The following GNS variants were observed in gnomAD, a reference collection of about 807,000 sequenced individuals.
The protein encoded by GNS is N-acetylglucosamine-6-sulfatase.
In GNS, 40 loss-of-function variants were observed where a neutral mutation model predicts 69.7. The ratio of observed to expected loss-of-function variants is 0.57; its 90% CI spans 0.45 to 0.75. GNS has a LOEUF of 0.75. GNS is among the 30% of genes least tolerant of loss of function. GNS has a pLI of 0.00. For missense variants in GNS, 565 were observed against 685.5 expected, an observed-to-expected ratio of 0.82 and a Z score of 1.96; for synonymous variants, 243 against 251.6, an observed-to-expected ratio of 0.97 and a Z score of 0.32.
intron 2 of GNS, among the ~76,000 whole-genome samples, chr12:64,750,495 A>T (rs1272548): frequency 0.46 from 69,776 of 151,776 alleles, 16,938 homozygotes; most frequent in African/African-American, 0.6. Flanking sequence ...GTAATTTTTT[A>T]AAAAAATTAC....
chr12:64,748,511 AAAT>A (rs1481005741), intron 2 of GNS, among the ~76,000 whole-genome samples: 3 of 151,986 alleles, frequency 2.0e-5, no homozygotes, highest in Admixed American at 2.0e-4. Context: ...ACCCAGCCAG[AAAT>A]AATATTTATA....
intron 9 of GNS, among the ~76,000 whole-genome samples, chr12:64,732,483 T>A (rs1443419962): frequency 7.3e-6 from 1 of 137,736 alleles, no homozygotes; most frequent in Non-Finnish European, 1.6e-5. Flanking sequence ...TTTTTTGAGA[T>A]GGAGTCTCAC....
intron 8 of GNS, among the ~76,000 whole-genome samples, chr12:64,737,997 G>A (rs1171279264): frequency 1.3e-5 from 2 of 151,994 alleles, no homozygotes; most frequent in Non-Finnish European, 2.9e-5. Flanking sequence ...GGTAGTATGT[G>A]GACTTTGCCT....
At chr12:64,723,641 C>T (rs902615089) in intron 10 of GNS, among the ~76,000 whole-genome samples, 1 of 152,186 alleles carries the variant, frequency 6.6e-6, no homozygotes, top group Non-Finnish European at 1.5e-5. Context: ...AATGTACATT[C>T]ATGGTGTGGA....
In GNS at chr12:64,715,292, G is replaced by GT. The variant is rs1868825757; in HGVS notation, c.*1448dup. On this transcript the variant is annotated 3_prime_UTR_variant, in exon 14 of 14. Coordinates refer to ENST00000258145, the MANE Select transcript of GNS (RefSeq NM_002076.4). Reference sequence around the variant, plus strand: ...CCAGCACTCTGGGAGGCCGAGGTGGGTGGATCACAAGGTCAGGAGTTCAAG... The same window carrying GT: ...CCAGCACTCTGGGAGGCCGAGGTGGGTTGGATCACAAGGTCAGGAGTTCAAG... 6.6e-6 allele frequency: 1 copy of GT among 152,316 alleles called. No individual in the cohort carries two copies. Among genetic ancestry groups the GT allele is most frequent in the East Asian group, 1.9e-4 (1 of 5,176 alleles). 9.4% of individuals were successfully genotyped at this position (152,316 alleles called of 1,614,324 possible).
intron 10 of GNS, among the ~76,000 whole-genome samples, chr12:64,727,687 C>T (rs1163257386): frequency 4.6e-5 from 7 of 152,212 alleles, no homozygotes; most frequent in African/African-American, 1.4e-4. Context: ...TCAGAACAAA[C>T]AAATCTATAC....
intron 9 of GNS, among the ~76,000 whole-genome samples, chr12:64,730,111 C>T (rs1485977501): frequency 1.3e-5 from 2 of 152,000 alleles, no homozygotes; most frequent in African/African-American, 2.4e-5. Context: ...ATCCATTGAG[C>T]GAAACAAAGA....
rs1000939393 is a variant in GNS, at chr12:64,759,201, G to C, written c.76C>G (p.Leu26Val). The change falls in exon 1 of 14, where the codon CTG becomes GTG. Residue 26 changes from leucine to valine, a missense_variant. By Grantham distance (32) the Leu-to-Val change is conservative. Coordinates refer to ENST00000258145, the MANE Select transcript of GNS (RefSeq NM_002076.4). ...PRHLPSCSPA[L>V]LLLVLGGCLG... ...CAGCCGCCCAGCACCAGCAGTAGCA[G>C]CGCTGGGCTGCAGGAGGGCAGGTGG... is the stretch of plus-strand genomic sequence containing the variant. The C allele has an allele frequency of 1.1e-5, 17 of 1,548,234 alleles. No homozygotes were observed. The highest frequency in any genetic ancestry group is 1.3e-5 in the Non-Finnish European group (15 of 1,146,262).
rs1291676219 is a variant in GNS, at chr12:64,750,912, G to GA, written c.252+1785dup. On this transcript the variant is annotated intron_variant, in intron 2 of 13. Coordinates refer to ENST00000258145, the MANE Select transcript of GNS (RefSeq NM_002076.4). ...TAGAGTGAGACCCTGTCTCAAAAAA[G>GA]AAAAAAAAGAAAGAAATGTATATAA... Among the ~76,000 whole-genome samples the GA allele has an allele frequency of 9.2e-5, 14 of 151,478 alleles. No homozygotes were observed. In the East Asian group the frequency reaches 1.2e-3, roughly 13 times the overall value.
In GNS at chr12:64,756,800, A is replaced by G. The variant is rs539872064; in HGVS notation, c.192+2285T>C. ...CCAGAATTCTTGAGTTTGGAACATT[A>G]AGTTTGACTTATGCCCTCCACTCAA... is the stretch of plus-strand genomic sequence containing the variant. On this transcript the variant is annotated intron_variant, in intron 1 of 13. Transcript: ENST00000258145. 4.5e-6 allele frequency: 5 copies of G among 1,115,620 alleles called. No individual in the cohort carries two copies. In the South Asian group the frequency reaches 6.7e-5, roughly 15 times the overall value. The allele number at this position is 1,115,620 out of a possible 1,614,324, so 69.1% of individuals were successfully genotyped here.
rs756551371 is a variant in GNS at position 64,759,338 on chromosome 12, A to G, written c.-62T>C. On this transcript the variant is annotated 5_prime_UTR_variant, in exon 1 of 14. Transcript: ENST00000258145. ...GGACGGAGGGACGCACAGGTAGCTG[A>G]AGGGCGAGAGGCCGACCAGCCGAAG... 10 of 1,186,656 alleles carry G rather than the reference A, an allele frequency of 8.4e-6. No individual in the cohort carries two copies. The highest frequency in any genetic ancestry group is 1.2e-5 in the Non-Finnish European group (10 of 868,960). 73.5% of individuals were successfully genotyped at this position (1,186,656 alleles called of 1,614,324 possible). A position where few individuals can be genotyped will look rare whatever the true frequency, so the allele number is the denominator to read the frequency against.
intron 3 of GNS, 22 bp from the exon 4 acceptor site, chr12:64,745,746 G>T: frequency 6.7e-7 from 1 of 1,495,710 alleles, no homozygotes; most frequent in Non-Finnish European, 9.3e-7. Context: ...AACAAGTAGG[G>T]ACAATTACAA....
rs1224572810 is a variant in GNS, at chr12:64,716,127, C to T, written c.*614G>A. On this transcript the variant is annotated 3_prime_UTR_variant, in exon 14 of 14. Transcript: ENST00000258145. ...AGCCTAGAATTCACAAAAACATGAA[C>T]AGAGCTTGGGTGACATGTTTTGAAT... 6.3e-6 allele frequency: 1 copy of T among 159,678 alleles called. No homozygotes were observed. The highest frequency in any genetic ancestry group is 1.8e-4 in the East Asian group (1 of 5,648). The allele number at this position is 159,678 out of a possible 1,614,324, so 9.9% of individuals were successfully genotyped here.
intron 10 of GNS, among the ~76,000 whole-genome samples, 167 bp downstream of exon 10, chr12:64,728,789 G>A (rs1432618124): frequency 6.6e-6 from 1 of 152,092 alleles, no homozygotes; most frequent in East Asian, 1.9e-4. Flanking sequence ...AACAACTCTC[G>A]ATTTCACATG....
At chr12:64,751,301 A>T (rs186814418) in intron 2 of GNS, among the ~76,000 whole-genome samples, 49 of 152,266 alleles carry the variant, frequency 3.2e-4, no homozygotes, top group Middle Eastern at 3.4e-3. Context: ...TTTCATTTTT[A>T]TCTTGCTGAA....
At chr12:64,730,319 G>A (rs1489426539) in intron 9 of GNS, among the ~76,000 whole-genome samples, 1 of 148,924 alleles carries the variant, frequency 6.7e-6, no homozygotes, top group Admixed American at 6.8e-5. Context: ...CAAAACTGTT[G>A]AGAACATTTA....
At chr12:64,757,680 G>C (rs1185634701) in intron 1 of GNS, among the ~76,000 whole-genome samples, 2 of 152,158 alleles carry the variant, frequency 1.3e-5, no homozygotes, top group African/African-American at 2.4e-5. Flanking sequence ...GGAAGAAAGA[G>C]AGATAGATAA....
At chr12:64,729,278 G>T in intron 9 of GNS, 1 of 524,906 alleles carries the variant, frequency 1.9e-6, no homozygotes, top group Non-Finnish European at 3.4e-6. Flanking sequence ...ATATCCCCCT[G>T]GCAAGTTACA....
At chr12:64,746,292 C>A (rs1869897015) in intron 3 of GNS, 1 of 156,302 alleles carries the variant, frequency 6.4e-6, no homozygotes, top group Non-Finnish European at 1.4e-5. Flanking sequence ...GTCCAACTGA[C>A]CCTAAGCAGT....
Sources: gnomAD v4.1 joint callset for allele counts (sites outside exome capture counted in the v4.1 genomes callset) on GRCh38, gnomAD v4.1.1 for gene constraint, MANE v1.5 for transcripts, NCBI Gene and HGNC (gene_info 2026-07-23, HGNC 2026-07-21) for gene names.